Variants in NBAS observed in about 807,000 individuals in gnomAD.
NBAS encodes NAG/BC035112 fusion.
A neutral mutation model predicts 302.5 loss-of-function variants in NBAS; 219 were observed. The observed-to-expected ratio is 0.72, with a 90% CI of 0.65 to 0.81. NBAS has a LOEUF of 0.81. Among genes scored for constraint, NBAS ranks in the 30% least tolerant of loss-of-function variants. The pLI is 0.00. For synonymous variants in NBAS, 1,118 were observed against 1,021.6 expected (o/e 1.09, Z -1.80); for missense variants, 2,932 against 2,841.6 (o/e 1.03, Z -0.72).
chr2:15,281,008 G>A (rs1228301793), intron 42 of NBAS, among the ~76,000 whole-genome samples: 1 of 152,118 alleles, frequency 6.6e-6, no homozygotes, highest in East Asian at 1.9e-4. Context: ...CAACATTCTG[G>A]CCAAGTGTCT....
chr2:15,059,967 A>C, the NBAS span, among the ~76,000 whole-genome samples: 1 of 44,024 alleles, frequency 2.3e-5, no homozygotes, highest in African/African-American at 3.9e-4. Context: ...AAAAAAACAA[A>C]AAAAAAAACA....
At chr2:14,803,046 A>G in the NBAS span, among the ~76,000 whole-genome samples, 1 of 152,178 alleles carries the variant, frequency 6.6e-6, no homozygotes, top group Admixed American at 6.5e-5. Flanking sequence ...TAATAAAAAA[A>G]ATAAAAATAA....
chr2:15,040,546 AAAT>A, the NBAS span, among the ~76,000 whole-genome samples: 1 of 152,190 alleles, frequency 6.6e-6, no homozygotes, highest in African/African-American at 2.4e-5. Context: ...CAAAAACAGC[AAAT>A]AACAGCCAGG....
At chr2:15,044,386 T>A in the NBAS span, among the ~76,000 whole-genome samples, 6 of 152,226 alleles carry the variant, frequency 3.9e-5, no homozygotes, top group Non-Finnish European at 8.8e-5. Context: ...TCAGCTATAC[T>A]CAAGCCTATT....
the NBAS span, among the ~76,000 whole-genome samples, chr2:14,951,403 C>A: frequency 1.3e-5 from 2 of 152,148 alleles, no homozygotes; most frequent in Non-Finnish European, 2.9e-5. Flanking sequence ...GTCGCTGGAG[C>A]AGTGCGTCTG....
chr2:15,367,899 C>T (rs775179484), intron 31 of NBAS, among the ~76,000 whole-genome samples: 6 of 152,166 alleles, frequency 3.9e-5, no homozygotes, highest in Non-Finnish European at 7.3e-5. Flanking sequence ...TAATAATTTG[C>T]GCCTTCACAC....
intron 27 of NBAS, among the ~76,000 whole-genome samples, chr2:15,396,164 G>T (rs1675854373): frequency 6.6e-6 from 1 of 152,082 alleles, no homozygotes; most frequent in Non-Finnish European, 1.5e-5. Context: ...TAGGCCCAAA[G>T]ATCACACGAC....
the NBAS span, among the ~76,000 whole-genome samples, chr2:15,048,749 C>T: frequency 6.6e-6 from 1 of 152,230 alleles, no homozygotes; most frequent in African/African-American, 2.4e-5. Context: ...GATTCCTGGC[C>T]CTGCATCAGT....
At chr2:14,920,894 G>A in the NBAS span, among the ~76,000 whole-genome samples, 1 of 151,706 alleles carries the variant, frequency 6.6e-6, no homozygotes, top group Non-Finnish European at 1.5e-5. Flanking sequence ...CAGCAATAAG[G>A]CTGTTTCACT....
At chr2:15,284,594 A>G in intron 42 of NBAS, among the ~76,000 whole-genome samples, 1 of 152,228 alleles carries the variant, frequency 6.6e-6, no homozygotes, top group Admixed American at 6.5e-5. Context: ...AGGGGAAAAA[A>G]TTACTTTTTA....
At chr2:15,296,372 C>T (rs544721877) in intron 40 of NBAS, among the ~76,000 whole-genome samples, 3 of 152,204 alleles carry the variant, frequency 2.0e-5, no homozygotes, top group South Asian at 4.1e-4. Context: ...AACCCCGTTT[C>T]TACTAAAAGT....
intron 48 of NBAS, among the ~76,000 whole-genome samples, chr2:15,193,654 G>C (rs942038231): frequency 1.5e-4 from 23 of 151,942 alleles, no homozygotes; most frequent in African/African-American, 5.1e-4. Flanking sequence ...TTAGACTTGA[G>C]CATATACTTT....
At chr2:15,025,873 T>C in the NBAS span, among the ~76,000 whole-genome samples, 2 of 152,272 alleles carry the variant, frequency 1.3e-5, no homozygotes, top group Admixed American at 1.3e-4. Flanking sequence ...GCAGATACTA[T>C]GGGATTTTCT....
chr2:15,176,059 C>A (rs936130445), intron 51 of NBAS, among the ~76,000 whole-genome samples: 6 of 152,070 alleles, frequency 3.9e-5, no homozygotes, highest in African/African-American at 1.5e-4. Context: ...TGAACTCAAG[C>A]GCCCTGCTAA....
the NBAS span, among the ~76,000 whole-genome samples, chr2:14,887,743 C>T: frequency 6.6e-6 from 1 of 152,318 alleles, no homozygotes; most frequent in East Asian, 1.9e-4. Context: ...GTTCCTCATG[C>T]CATCTTCACA....
chr2:15,248,701 A>T (rs540910082), intron 44 of NBAS, among the ~76,000 whole-genome samples: 1 of 152,298 alleles, frequency 6.6e-6, no homozygotes, highest in East Asian at 1.9e-4. Context: ...ACACAAATAA[A>T]CTAGAAAATC....
At chr2:15,083,796 T>C in the NBAS span, among the ~76,000 whole-genome samples, 1 of 152,066 alleles carries the variant, frequency 6.6e-6, no homozygotes, top group Non-Finnish European at 1.5e-5. Flanking sequence ...GTGTAGACAA[T>C]TGTGGAGGTA....
intron 51 of NBAS, among the ~76,000 whole-genome samples, chr2:15,175,433 A>C (rs1169809055): frequency 6.6e-6 from 1 of 152,216 alleles, no homozygotes; most frequent in African/African-American, 2.4e-5. Flanking sequence ...AATTTTCAGC[A>C]TACAAAGCCG....
the NBAS span, among the ~76,000 whole-genome samples, chr2:15,057,813 C>A: frequency 6.6e-6 from 1 of 152,164 alleles, no homozygotes; most frequent in African/African-American, 2.4e-5. Context: ...TTTCTTTATC[C>A]ACTCGTTGAT....
Sources: gnomAD v4.1 joint callset for allele counts (sites outside exome capture counted in the v4.1 genomes callset) on GRCh38, gnomAD v4.1.1 for gene constraint, MANE v1.5 for transcripts, NCBI Gene and HGNC (gene_info 2026-07-23, HGNC 2026-07-21) for gene names.